The following CEP112 variants were observed in gnomAD, a reference collection of about 807,000 sequenced individuals.
CEP112 encodes the protein centrosomal protein 112.
In CEP112, 127 loss-of-function variants were observed where a neutral mutation model predicts 153.0. The observed-to-expected ratio is 0.83, with a 90% CI of 0.72 to 0.96. The LOEUF is 0.96. Among genes scored for constraint, CEP112 ranks in the 40% least tolerant of loss-of-function variants. The probability of loss-of-function intolerance (pLI) is 0.00; values close to 1 mark genes in which losing one functional copy is unlikely to be tolerated. For synonymous variants in CEP112, 358 were observed against 374.4 expected, an observed-to-expected ratio of 0.96 and a Z score of 0.51; for missense variants, 1,089 against 1,101.2, an observed-to-expected ratio of 0.99 and a Z score of 0.16.
intron 8 of CEP112, among the ~76,000 whole-genome samples, chr17:66,071,496 C>T (rs2146093034): frequency 6.6e-6 from 1 of 152,204 alleles, no homozygotes; most frequent in East Asian, 1.9e-4. Flanking sequence ...ATAACACCTT[C>T]TAGAGAACTT....
chr17:66,031,089 G>A (rs1252942482), intron 12 of CEP112, among the ~76,000 whole-genome samples: 1 of 152,166 alleles, frequency 6.6e-6, no homozygotes, highest in East Asian at 1.9e-4. Context: ...ATTCTAGACT[G>A]ACAAACATCA....
intron 21 of CEP112, among the ~76,000 whole-genome samples, chr17:65,800,380 G>C (rs1233538668): frequency 1.3e-5 from 2 of 152,018 alleles, no homozygotes; most frequent in Non-Finnish European, 2.9e-5. Flanking sequence ...TTTGTGTCCA[G>C]ATTTTTTTTA....
At chr17:65,792,178 T>G (rs2054626277) in intron 21 of CEP112, among the ~76,000 whole-genome samples, 1 of 152,220 alleles carries the variant, frequency 6.6e-6, no homozygotes, top group African/African-American at 2.4e-5. Flanking sequence ...TATTGCTCCA[T>G]GTAATCCATG....
chr17:66,051,105 A>C, intron 12 of CEP112, among the ~76,000 whole-genome samples: 1 of 150,632 alleles, frequency 6.6e-6, no homozygotes. Flanking sequence ...TCAGCCTCCC[A>C]ACTAACTGGG....
chr17:66,068,414 G>C (rs2146065675), intron 9 of CEP112, among the ~76,000 whole-genome samples: 1 of 152,166 alleles, frequency 6.6e-6, no homozygotes. Flanking sequence ...AATAGCCACT[G>C]TCCTCCTCCA....
chr17:65,643,443 A>C, intron 24 of CEP112, among the ~76,000 whole-genome samples: 1 of 147,662 alleles, frequency 6.8e-6, no homozygotes, highest in Non-Finnish European at 1.5e-5. Context: ...GATTACAAGC[A>C]CGCACCACCA....
chr17:66,018,343 A>G (rs919042066), intron 16 of CEP112, among the ~76,000 whole-genome samples: 1 of 152,150 alleles, frequency 6.6e-6, no homozygotes, highest in Non-Finnish European at 1.5e-5. Context: ...AATTTAGGTA[A>G]TCACAAAAGG....
chr17:65,708,815 A>T (rs917006676), intron 23 of CEP112, among the ~76,000 whole-genome samples: 2 of 152,200 alleles, frequency 1.3e-5, no homozygotes, highest in African/African-American at 4.8e-5. Flanking sequence ...ACCTATCATC[A>T]AGGTACTTTT....
At chr17:65,931,986 A>G (rs1599053834) in intron 18 of CEP112, among the ~76,000 whole-genome samples, 1 of 152,174 alleles carries the variant, frequency 6.6e-6, no homozygotes, top group East Asian at 1.9e-4. Flanking sequence ...CTGTCCAACT[A>G]CAGATTTCAA....
At chr17:66,098,052 A>C (rs1258786095) in intron 6 of CEP112, among the ~76,000 whole-genome samples, 1 of 152,250 alleles carries the variant, frequency 6.6e-6, no homozygotes, top group Non-Finnish European at 1.5e-5. Flanking sequence ...TAAACAGACT[A>C]CAGCTTACTC....
rs1462826958 is a variant in CEP112, at chr17:66,121,997, T to TGATC, written c.642+7745_642+7748dup. 3.2e-4 allele frequency among the ~76,000 whole-genome samples: 49 copies of TGATC among 152,080 alleles called. 1 individual carries two copies. The highest frequency in any genetic ancestry group is 5.4e-4 in the Non-Finnish European group (37 of 68,000). ...GCAACCTCCACTTCCCAGGTTCAAG[T>TGATC]GATCCTCCTGCCGCAGCTTCCCAAG... is the stretch of plus-strand genomic sequence containing the variant. On this transcript the variant is annotated intron_variant, in intron 6 of 26. Coordinates refer to ENST00000535342, the MANE Select transcript of CEP112 (RefSeq NM_001199165.4).
chr17:66,161,306 C>A (rs2071693540), intron 4 of CEP112, among the ~76,000 whole-genome samples: 1 of 152,056 alleles, frequency 6.6e-6, no homozygotes, highest in Non-Finnish European at 1.5e-5. Context: ...CCAGAAATAC[C>A]ATTTGACCTA....
At chr17:65,988,862 A>G (rs1598023716) in intron 17 of CEP112, among the ~76,000 whole-genome samples, 1 of 152,246 alleles carries the variant, frequency 6.6e-6, no homozygotes, top group African/African-American at 2.4e-5. Flanking sequence ...GCTTATTCAC[A>G]GAAATAATAA....
At chr17:65,828,018 T>C (rs1296570500) in intron 21 of CEP112, among the ~76,000 whole-genome samples, 1 of 152,184 alleles carries the variant, frequency 6.6e-6, no homozygotes, top group East Asian at 1.9e-4. Context: ...AAAAATTCTA[T>C]ATAAGTTACT....
chr17:65,661,216 C>G (rs2046370412), intron 24 of CEP112, among the ~76,000 whole-genome samples: 2 of 152,136 alleles, frequency 1.3e-5, no homozygotes, highest in Non-Finnish European at 2.9e-5. Context: ...GAACCACTCT[C>G]CATTCTTACA....
intron 12 of CEP112, among the ~76,000 whole-genome samples, chr17:66,032,720 C>A (rs992249563): frequency 2.0e-5 from 3 of 151,962 alleles, no homozygotes; most frequent in Non-Finnish European, 4.4e-5. Context: ...ACAGGCATAC[C>A]AAGAAATAAA....
At position 66,128,131 on chromosome 17, in the gene CEP112, C is replaced by T. The variant is rs575304039; in HGVS notation, c.642+1615G>A. On this transcript the variant is annotated intron_variant, in intron 6 of 26. Coordinates refer to ENST00000535342, the MANE Select transcript of CEP112 (RefSeq NM_001199165.4). ...AGCCTGACCAACATGGTGAAACCCC[C>T]GTCTCTACTAAAAATACAAAAATTA... is the stretch of plus-strand genomic sequence containing the variant. Among the ~76,000 whole-genome samples, 7 of 151,736 alleles carry T rather than the reference C, an allele frequency of 4.6e-5. No individual in the cohort carries two copies. The South Asian group carries it at 1.5e-3, about 32-fold the overall frequency.
chr17:65,720,564 C>A (rs771350440), intron 23 of CEP112, among the ~76,000 whole-genome samples: 1 of 152,048 alleles, frequency 6.6e-6, no homozygotes, highest in African/African-American at 2.4e-5. Context: ...CACTGGCAAC[C>A]GGAAGAGCAG....
intron 21 of CEP112, among the ~76,000 whole-genome samples, chr17:65,829,840 G>A (rs1042405918): frequency 2.0e-4 from 30 of 152,056 alleles, no homozygotes; most frequent in Admixed American, 2.0e-3. Context: ...ACAGTGAAAG[G>A]GATAGCAGGA....
Sources: allele counts gnomAD v4.1 joint callset (sites outside exome capture counted in the v4.1 genomes callset), GRCh38; gene constraint gnomAD v4.1.1; transcripts MANE v1.5; gene names NCBI Gene and HGNC (gene_info 2026-07-23, HGNC 2026-07-21).